Variants in NAALADL2 observed in about 807,000 individuals in gnomAD.
NAALADL2 encodes the protein N-acetylated alpha-linked acidic dipeptidase like 2.
In NAALADL2, 76 loss-of-function variants were observed where a neutral mutation model predicts 87.2. That is an observed-to-expected ratio of 0.87 (90% CI 0.72 to 1.05). The LOEUF (loss-of-function observed/expected upper bound fraction) is 1.05. Among genes scored for constraint, NAALADL2 ranks in the 50% least tolerant of loss-of-function variants. NAALADL2 has a pLI of 0.00. For missense variants in NAALADL2, 1,089 were observed against 945.8 expected (o/e 1.15, Z -1.99); for synonymous variants, 354 against 331.0 (o/e 1.07, Z -0.75).
chr3:175,423,028 A>AAAAAAAAATATAT (rs1438736874), intron 5 of NAALADL2, among the ~76,000 whole-genome samples: 249 of 111,184 alleles, frequency 2.2e-3, no homozygotes, highest in East Asian at 8.0e-3. Context: ...GAAAAAAAAA[A>AAAAAAAAATATAT]ATATATATAT....
intron 1 of NAALADL2, among the ~76,000 whole-genome samples, chr3:174,980,716 A>T (rs983771158): frequency 6.6e-6 from 1 of 152,188 alleles, no homozygotes; most frequent in Non-Finnish European, 1.5e-5. Context: ...ATTTTTAATT[A>T]TAATACATAG....
At chr3:175,462,571 G>A (rs1010973217) in intron 6 of NAALADL2, among the ~76,000 whole-genome samples, 1 of 152,114 alleles carries the variant, frequency 6.6e-6, no homozygotes, top group Non-Finnish European at 1.5e-5. Context: ...GCCATGCTCT[G>A]CCCTGACACT....
chr3:174,845,362 G>T (rs1265927339), intron 3 of NAALADL2, among the ~76,000 whole-genome samples: 1 of 152,078 alleles, frequency 6.6e-6, no homozygotes, highest in Non-Finnish European at 1.5e-5. Flanking sequence ...CCAGTAGGCT[G>T]GGGCCACCTT....
chr3:174,963,370 TA>T (rs1362353051), intron 1 of NAALADL2, among the ~76,000 whole-genome samples: 8 of 152,120 alleles, frequency 5.3e-5, no homozygotes, highest in African/African-American at 1.7e-4. Flanking sequence ...GATATTGGCA[TA>T]AAAAATGTGA....
intron 3 of NAALADL2, among the ~76,000 whole-genome samples, chr3:174,803,548 C>G (rs1329688062): frequency 6.6e-6 from 1 of 152,072 alleles, no homozygotes; most frequent in Non-Finnish European, 1.5e-5. Context: ...TTTGCTGATG[C>G]CTATGTTCTG....
chr3:175,509,640 A>G (rs1328542067), intron 9 of NAALADL2, among the ~76,000 whole-genome samples: 1 of 152,156 alleles, frequency 6.6e-6, no homozygotes, highest in African/African-American at 2.4e-5. Context: ...AACTACTTAA[A>G]TGTTAAATGA....
At chr3:174,761,670 G>A (rs1263265475) in intron 3 of NAALADL2, among the ~76,000 whole-genome samples, 2 of 151,856 alleles carry the variant, frequency 1.3e-5, no homozygotes, top group Non-Finnish European at 2.9e-5. Flanking sequence ...CAATGTGCAG[G>A]TTTGTTACAT....
intron 2 of NAALADL2, among the ~76,000 whole-genome samples, chr3:175,213,291 C>T (rs1303230877): frequency 6.6e-6 from 1 of 151,926 alleles, no homozygotes; most frequent in Admixed American, 6.6e-5. Flanking sequence ...AACCTAAACA[C>T]TGAAAAATAA....
chr3:174,990,394 A>C (rs1746558702), intron 1 of NAALADL2, among the ~76,000 whole-genome samples: 1 of 152,168 alleles, frequency 6.6e-6, no homozygotes, highest in Non-Finnish European at 1.5e-5. Context: ...AGCCGAAAAA[A>C]TGAAGCCAAG....
At chr3:175,536,922 C>A (rs1246353028) in intron 9 of NAALADL2, among the ~76,000 whole-genome samples, 5 of 152,090 alleles carry the variant, frequency 3.3e-5, no homozygotes, top group African/African-American at 1.2e-4. Flanking sequence ...GCGGAGCTTG[C>A]AATGAGCAGA....
At chr3:174,817,396 G>GT (rs1300368290) in intron 3 of NAALADL2, among the ~76,000 whole-genome samples, 11 of 152,116 alleles carry the variant, frequency 7.2e-5, no homozygotes, top group Non-Finnish European at 8.8e-5. Flanking sequence ...GAAGTCAAGA[G>GT]TTTAAGACCA....
At chr3:175,674,487 A>T (rs1030635160) in intron 11 of NAALADL2, among the ~76,000 whole-genome samples, 1 of 151,862 alleles carries the variant, frequency 6.6e-6, no homozygotes, top group Non-Finnish European at 1.5e-5. Flanking sequence ...GACGGTCTTG[A>T]TCTCCTGACC....
intron 13 of NAALADL2, among the ~76,000 whole-genome samples, chr3:175,785,605 C>G (rs1425917444): frequency 2.9e-5 from 4 of 138,718 alleles, no homozygotes; most frequent in African/African-American, 8.6e-5. Flanking sequence ...TGTCTCTGCA[C>G]GTGAGATGGG....
intron 12 of NAALADL2, among the ~76,000 whole-genome samples, chr3:175,751,036 A>G (rs1463375252): frequency 2.0e-5 from 3 of 152,170 alleles, no homozygotes; most frequent in Admixed American, 1.3e-4. Context: ...AAATAATATC[A>G]AGATAGTTTC....
chr3:174,921,348 T>A (rs1188006476), intron 1 of NAALADL2, among the ~76,000 whole-genome samples: 25 of 151,900 alleles, frequency 1.6e-4, no homozygotes, highest in Admixed American at 1.5e-3. Context: ...TTAAATACAA[T>A]TTTTTTGTTA....
chr3:175,133,872 T>C (rs900076871), intron 2 of NAALADL2, among the ~76,000 whole-genome samples: 8 of 152,206 alleles, frequency 5.3e-5, no homozygotes, highest in Non-Finnish European at 8.8e-5. Flanking sequence ...AAAATGAACA[T>C]TTGAATGTTT....
intron 3 of NAALADL2, among the ~76,000 whole-genome samples, chr3:175,246,668 T>C (rs1748040430): frequency 6.6e-6 from 1 of 152,164 alleles, no homozygotes; most frequent in Admixed American, 6.5e-5. Flanking sequence ...GTTTAGCTGA[T>C]TGTAGGAAAT....
At chr3:174,841,177 T>C (rs1260584234) in intron 3 of NAALADL2, among the ~76,000 whole-genome samples, 4 of 152,196 alleles carry the variant, frequency 2.6e-5, no homozygotes, top group Non-Finnish European at 5.9e-5. Context: ...CTACAGTTAA[T>C]TTGTTGTTGG....
intron 4 of NAALADL2, 145 bp downstream of exon 4, chr3:175,256,675 G>T: frequency 3.2e-6 from 2 of 615,660 alleles, no homozygotes; most frequent in Non-Finnish European, 2.5e-6. Flanking sequence ...GAGGCAGAGA[G>T]TGTCACAGAA....
Sources: allele counts gnomAD v4.1 joint callset (sites outside exome capture counted in the v4.1 genomes callset), GRCh38; gene constraint gnomAD v4.1.1; transcripts MANE v1.5; gene names NCBI Gene and HGNC (gene_info 2026-07-23, HGNC 2026-07-21).